The following SDK1 variants were observed in gnomAD, a reference collection of about 807,000 sequenced individuals.
SDK1 encodes the protein sidekick cell adhesion molecule 1.
In SDK1, 157 loss-of-function variants were observed where a neutral mutation model predicts 245.5. The ratio of observed to expected loss-of-function variants is 0.64; its 90% CI spans 0.56 to 0.73. The LOEUF (loss-of-function observed/expected upper bound fraction) is 0.73, where lower values mean the gene tolerates loss of function less well. Ranked by LOEUF, SDK1 falls within the 30% of genes least tolerant of loss-of-function variation. SDK1 has a pLI of 0.00. For synonymous variants in SDK1, 1,647 were observed against 1,278.5 expected, an observed-to-expected ratio of 1.29 and a Z score of -6.15; for missense variants, 3,583 against 3,002.3, an observed-to-expected ratio of 1.19 and a Z score of -4.52.
At chr7:3,332,178 T>G (rs1184122380) in intron 1 of SDK1, among the ~76,000 whole-genome samples, 2 of 152,208 alleles carry the variant, frequency 1.3e-5, no homozygotes, top group African/African-American at 4.8e-5. Flanking sequence ...CTGGTTTATT[T>G]TTGGTTATCC....
In SDK1 at chr7:3,825,768, G is replaced by T. The variant is rs531438575; in HGVS notation, c.847+4185G>T. ...GACTGCCCTGTAAAACATGGCTTTT[G>T]TGTGCCCAGGTACAACTCTCTCCTA... On this transcript the variant is annotated intron_variant, in intron 5 of 44. Transcript: ENST00000404826. Among the ~76,000 whole-genome samples the T allele has an allele frequency of 2.0e-5, 3 of 152,292 alleles. No individual in the cohort carries two copies. In the South Asian group the frequency reaches 6.2e-4, roughly 32 times the overall value.
At chr7:3,413,615 C>CA (rs1291040254) in intron 1 of SDK1, among the ~76,000 whole-genome samples, 2 of 152,076 alleles carry the variant, frequency 1.3e-5, no homozygotes, top group Admixed American at 1.3e-4. Context: ...CACTTGAACC[C>CA]AGGGGGCGGT....
chr7:3,327,554 G>C (rs1257666444), intron 1 of SDK1, among the ~76,000 whole-genome samples: 2 of 151,860 alleles, frequency 1.3e-5, no homozygotes, highest in Non-Finnish European at 1.5e-5. Context: ...GATTTAAAGC[G>C]GTTTTGCCAT....
At chr7:3,984,762 C>T (rs1783692443) in intron 13 of SDK1, among the ~76,000 whole-genome samples, 1 of 152,192 alleles carries the variant, frequency 6.6e-6, no homozygotes, top group Non-Finnish European at 1.5e-5. Flanking sequence ...CTGACTATTA[C>T]AGATGGTCAT....
At chr7:3,412,657 AG>A (rs1397655215) in intron 1 of SDK1, among the ~76,000 whole-genome samples, 1 of 152,240 alleles carries the variant, frequency 6.6e-6, no homozygotes, top group African/African-American at 2.4e-5. Flanking sequence ...ATTAAAAGGC[AG>A]GGGCAGTTAC....
At chr7:4,174,680 G>T (rs1162955882) in intron 33 of SDK1, among the ~76,000 whole-genome samples, 3 of 152,128 alleles carry the variant, frequency 2.0e-5, no homozygotes, top group African/African-American at 7.2e-5. Context: ...TGGAGGCAGG[G>T]GGCCAGTAGG....
intron 36 of SDK1, among the ~76,000 whole-genome samples, chr7:4,207,209 G>T (rs1367113444): frequency 6.6e-6 from 1 of 152,204 alleles, no homozygotes; most frequent in African/African-American, 2.4e-5. Context: ...CCAGCCCTGG[G>T]GCGCTCCAGG....
At chr7:3,393,254 A>G (rs1320012857) in intron 1 of SDK1, among the ~76,000 whole-genome samples, 1 of 151,886 alleles carries the variant, frequency 6.6e-6, no homozygotes, top group African/African-American at 2.4e-5. Context: ...TTACAGGTAT[A>G]AGCCACCACA....
chr7:4,237,540 T>C, intron 41 of SDK1, 107 bp from the exon 42 acceptor site: 1 of 1,281,598 alleles, frequency 7.8e-7, no homozygotes, highest in Non-Finnish European at 1.1e-6. Context: ...CACCTGTAAC[T>C]GGGAGTTATC....
intron 1 of SDK1, among the ~76,000 whole-genome samples, chr7:3,400,275 A>AT (rs1186351739): frequency 6.6e-6 from 1 of 152,166 alleles, no homozygotes; most frequent in Non-Finnish European, 1.5e-5. Context: ...CTTTCCTAAG[A>AT]TAATGCTTTA....
chr7:3,862,754 TC>T (rs1460442878), intron 5 of SDK1, among the ~76,000 whole-genome samples: 1 of 152,216 alleles, frequency 6.6e-6, no homozygotes, highest in Non-Finnish European at 1.5e-5. Context: ...ACTTCAGTGT[TC>T]CTTAGAGCAG....
At chr7:3,591,592 G>A (rs780692550) in intron 1 of SDK1, among the ~76,000 whole-genome samples, 2 of 152,168 alleles carry the variant, frequency 1.3e-5, no homozygotes, top group African/African-American at 2.4e-5. Context: ...AAGAACATGC[G>A]ACCAGTGCCT....
intron 1 of SDK1, among the ~76,000 whole-genome samples, chr7:3,561,258 C>G (rs1179866542): frequency 1.3e-5 from 2 of 152,154 alleles, no homozygotes; most frequent in African/African-American, 4.8e-5. Context: ...GGGGGTTGAT[C>G]CCTAACACCC....
intron 9 of SDK1, among the ~76,000 whole-genome samples, 195 bp downstream of exon 9, chr7:3,963,046 G>A (rs1781827894): frequency 7.5e-6 from 1 of 134,078 alleles, no homozygotes; most frequent in African/African-American, 3.1e-5. Context: ...ACAGCTACCT[G>A]ACCTGGACGT....
chr7:3,632,203 G>A (rs1345694981), intron 2 of SDK1, among the ~76,000 whole-genome samples: 3 of 152,124 alleles, frequency 2.0e-5, no homozygotes, highest in East Asian at 3.8e-4. Flanking sequence ...TTTGACAGAC[G>A]GTTCTAGTCA....
chr7:3,772,589 A>G (rs1159877388), intron 4 of SDK1, among the ~76,000 whole-genome samples: 1 of 152,260 alleles, frequency 6.6e-6, no homozygotes, highest in Non-Finnish European at 1.5e-5. Context: ...TAAATCATAT[A>G]GAAAAAAGTG....
At chr7:4,260,866 C>G (rs2128243648) in intron 44 of SDK1, among the ~76,000 whole-genome samples, 1 of 151,906 alleles carries the variant, frequency 6.6e-6, no homozygotes, top group South Asian at 2.1e-4. Flanking sequence ...TCATCGTCAC[C>G]TGATGGAGAA....
chr7:3,488,954 C>A (rs1036825023), intron 1 of SDK1, among the ~76,000 whole-genome samples: 1 of 151,638 alleles, frequency 6.6e-6, no homozygotes, highest in East Asian at 1.9e-4. Context: ...AGAAGTTTCT[C>A]TTAGATCCAC....
rs140385104 is a variant in SDK1, at chr7:3,956,731, T to C, written c.1151-2200T>C. On this transcript the variant is annotated intron_variant, in intron 7 of 44. Transcript: ENST00000404826. The stretch of plus-strand genomic sequence containing the variant: ...TGAGTTTTCTCACCAGGTGGCATGC[T>C]GTGTGCCAAACACAGATGGTCCCTG... Among the ~76,000 whole-genome samples, 6 of 152,302 alleles carry C rather than the reference T, an allele frequency of 3.9e-5. No individual in the cohort carries two copies. In the East Asian group the frequency reaches 1.2e-3, roughly 29 times the overall value.
Sources: allele counts gnomAD v4.1 joint callset (sites outside exome capture counted in the v4.1 genomes callset), GRCh38; gene constraint gnomAD v4.1.1; transcripts MANE v1.5; gene names NCBI Gene and HGNC (gene_info 2026-07-23, HGNC 2026-07-21).